Variants in TTC28 observed in about 807,000 individuals in gnomAD.
The protein encoded by TTC28 is tetratricopeptide repeat protein 28.
In TTC28, 61 loss-of-function variants were observed where a neutral mutation model predicts 198.0. The ratio of observed to expected loss-of-function variants is 0.31; its 90% confidence interval spans 0.25 to 0.38. The LOEUF (loss-of-function observed/expected upper bound fraction) is 0.38. TTC28 is among the 10% of genes least tolerant of loss of function. The probability of loss-of-function intolerance (pLI) is 1.00; values close to 1 mark genes in which losing one functional copy is unlikely to be tolerated. For synonymous variants in TTC28, 1,171 were observed against 1,297.8 expected, an observed-to-expected ratio of 0.90 and a Z score of 2.10; for missense variants, 2,678 against 3,164.0, an observed-to-expected ratio of 0.85 and a Z score of 3.69.
intron 2 of TTC28, among the ~76,000 whole-genome samples, chr22:28,398,690 T>A (rs979047406): frequency 3.3e-5 from 5 of 152,234 alleles, no homozygotes; most frequent in African/African-American, 9.6e-5. Flanking sequence ...TTTATTGATC[T>A]CTAATATGGA....
chr22:28,211,318 A>G (rs1926936564), intron 5 of TTC28, among the ~76,000 whole-genome samples: 1 of 152,210 alleles, frequency 6.6e-6, no homozygotes, highest in Admixed American at 6.5e-5. Context: ...AAATGCTCCA[A>G]TTAAAAGACA....
intron 12 of TTC28, among the ~76,000 whole-genome samples, chr22:28,046,545 G>T (rs904115984): frequency 6.6e-6 from 1 of 152,112 alleles, no homozygotes; most frequent in Non-Finnish European, 1.5e-5. Flanking sequence ...GTCATTATGT[G>T]GTACATGACT....
chr22:28,018,181 G>T (rs543073673), intron 13 of TTC28, among the ~76,000 whole-genome samples: 1 of 152,002 alleles, frequency 6.6e-6, no homozygotes, highest in African/African-American at 2.4e-5. Context: ...ACCTGGCCAC[G>T]GGGCCCCTTG....
At chr22:28,580,864 C>T (rs74564165) in intron 2 of TTC28, among the ~76,000 whole-genome samples, 4,465 of 152,166 alleles carry the variant, frequency 0.029, 94 homozygotes, top group Non-Finnish European at 0.048. Context: ...GTTAAAATCT[C>T]AGAAGTTTCA....
chr22:28,001,517 G>C lies in TTC28; in HGVS notation c.4255C>G (p.Arg1419Gly). Residue 1419 changes from arginine to glycine, a missense_variant, in exon 15 of 23, where the codon CGG (arginine) becomes GGG (glycine). Arg to Gly is a moderately radical substitution (Grantham distance 125, BLOSUM62 -2). Coordinates refer to ENST00000397906, the MANE Select transcript of TTC28 (RefSeq NM_001145418.2). ...MHSSGPVGRH[R>G]QLILVLEGEL... is the part of the protein sequence containing the mutation. Reference sequence around the variant, plus strand: ...CCCTCCAGAACCAGGATGAGCTGCCGGTGCCGGCCCACGGGGCCGCTGGAG... The same window carrying C: ...CCCTCCAGAACCAGGATGAGCTGCCCGTGCCGGCCCACGGGGCCGCTGGAG... 1 of 1,551,362 alleles carries C rather than the reference G, an allele frequency of 6.4e-7. No homozygotes were observed. The highest frequency in any genetic ancestry group is 1.4e-5 in the African/African-American group (1 of 73,194).
intron 5 of TTC28, among the ~76,000 whole-genome samples, chr22:28,250,298 C>A (rs1327282236): frequency 1.3e-5 from 2 of 152,114 alleles, no homozygotes; most frequent in African/African-American, 2.4e-5. Flanking sequence ...TTTAGGCATT[C>A]TTTTGTTTAT....
intron 6 of TTC28, among the ~76,000 whole-genome samples, chr22:28,124,198 GTTT>G (rs1482300663): frequency 7.2e-6 from 1 of 138,166 alleles, no homozygotes; most frequent in Non-Finnish European, 1.6e-5. Context: ...TGTTGTTGTT[GTTT>G]GTTTTTTGTT....
In TTC28 at chr22:27,998,765, T is replaced by C. The variant is rs984987583; in HGVS notation, c.4894A>G (p.Lys1632Glu). Residue 1632 changes from lysine to glutamate, a missense_variant, in exon 16 of 23, where the codon AAA becomes GAA. Physicochemically the swap from Lys to Glu is moderately conservative, Grantham distance 56. Around this residue, in one of 8 missense-constraint regions of TTC28, gnomAD observed 727 missense variants for 861.9 expected, o/e 0.84. Coordinates refer to ENST00000397906, the MANE Select transcript of TTC28 (RefSeq NM_001145418.2). ...VLGSSQESNS[K>E]VTADGVIALT... Reference sequence around the variant, plus strand: ...GCGATGACCCCGTCGGCTGTGACTTTGCTGTTGGACTCCTGGGAGGAGCCA... The same window carrying C: ...GCGATGACCCCGTCGGCTGTGACTTCGCTGTTGGACTCCTGGGAGGAGCCA... The C allele has an allele frequency of 5.8e-6, 9 of 1,550,624 alleles. No individual in the cohort carries two copies. In the Middle Eastern group the frequency reaches 6.7e-4, roughly 115 times the overall value.
chr22:28,587,561 T>A (rs547824143), intron 2 of TTC28, among the ~76,000 whole-genome samples: 1 of 152,010 alleles, frequency 6.6e-6, no homozygotes, highest in East Asian at 2.0e-4. Context: ...GAGTACACAA[T>A]CTCAGCTCAC....
intron 6 of TTC28, among the ~76,000 whole-genome samples, chr22:28,134,546 T>C (rs987209173): frequency 6.6e-6 from 1 of 152,150 alleles, no homozygotes; most frequent in Non-Finnish European, 1.5e-5. Flanking sequence ...AACTACATGA[T>C]GAATGCACAA....
At chr22:28,629,954 G>A (rs749496832) in intron 1 of TTC28, 124 bp from the exon 2 acceptor site, 64 of 818,350 alleles carry the variant, frequency 7.8e-5, no homozygotes, top group Admixed American at 2.9e-4. Context: ...TATTGGAGGT[G>A]GGGCCTAATG....
chr22:28,616,537 G>A (rs891139389), intron 2 of TTC28, among the ~76,000 whole-genome samples: 8 of 152,230 alleles, frequency 5.3e-5, no homozygotes, highest in East Asian at 1.9e-4. Context: ...CTGTATTCAG[G>A]TATTATACCT....
chr22:28,236,980 T>C (rs2147243090), intron 5 of TTC28, among the ~76,000 whole-genome samples: 2 of 152,290 alleles, frequency 1.3e-5, no homozygotes, highest in Middle Eastern at 6.8e-3. Flanking sequence ...CCCAAAGTAA[T>C]TACCTGATTA....
intron 6 of TTC28, among the ~76,000 whole-genome samples, chr22:28,110,234 T>C (rs1942446052): frequency 6.6e-6 from 1 of 152,062 alleles, no homozygotes; most frequent in African/African-American, 2.4e-5. Flanking sequence ...AGATCTGCCC[T>C]GCCACAAGAG....
chr22:28,584,533 TAAAG>T, intron 2 of TTC28, among the ~76,000 whole-genome samples: 2 of 152,232 alleles, frequency 1.3e-5, no homozygotes, highest in African/African-American at 4.8e-5. Context: ...AGCTGACTAA[TAAAG>T]TAGCCATTAG....
chr22:28,152,637 T>C lies in TTC28; in HGVS notation c.1441+10455A>G, dbSNP rs556221671. Among the ~76,000 whole-genome samples, 38 of 152,366 alleles carry C rather than the reference T, an allele frequency of 2.5e-4. 2 individuals are homozygous for C. The highest frequency in any genetic ancestry group is 1.4e-3 in the South Asian group (7 of 4,832). ...AACACAAATATCATGGATACACTTCTATGTGAGGTCTCACAGACCTTTTGA... is the reference window on the plus strand; with the variant it reads ...AACACAAATATCATGGATACACTTCCATGTGAGGTCTCACAGACCTTTTGA... On this transcript the variant is annotated intron_variant, in intron 6 of 22. Coordinates refer to ENST00000397906, the MANE Select transcript of TTC28 (RefSeq NM_001145418.2).
intron 6 of TTC28, among the ~76,000 whole-genome samples, chr22:28,142,743 T>A (rs1377718167): frequency 6.6e-6 from 1 of 152,196 alleles, no homozygotes; most frequent in Non-Finnish European, 1.5e-5. Flanking sequence ...ACATGCCTTG[T>A]CCACCATTGT....
chr22:28,096,056 G>A lies in TTC28; in HGVS notation c.3766+134C>T, dbSNP rs191210050. 44 of 1,312,386 alleles carry A rather than the reference G, an allele frequency of 3.4e-5. 1 individual carries two copies. In the East Asian group the frequency reaches 3.8e-4, roughly 11 times the overall value. 81.3% of individuals were successfully genotyped at this position (1,312,386 alleles called of 1,614,324 possible). A position where few individuals can be genotyped will look rare whatever the true frequency, so the allele number is the denominator to read the frequency against. ...TGCCCCACCACGGCATATCCACTGC[G>A]GCTGAGGTTTTGCTAAAATCTGACA... On this transcript the variant is annotated intron_variant, in intron 11 of 22. Transcript: ENST00000397906.
At chr22:28,489,347 A>C (rs1380240349) in intron 2 of TTC28, among the ~76,000 whole-genome samples, 1 of 152,022 alleles carries the variant, frequency 6.6e-6, no homozygotes, top group African/African-American at 2.4e-5. Flanking sequence ...ATAAGTCAGA[A>C]TTCAAAAGCT....
Sources: gnomAD v4.1 joint callset for allele counts (sites outside exome capture counted in the v4.1 genomes callset) on GRCh38, gnomAD v4.1.1 for gene constraint, gnomAD v4.1.1 regional missense constraint, MANE v1.5 for transcripts, NCBI Gene and HGNC (gene_info 2026-07-23, HGNC 2026-07-21) for gene names.